MYSM1: variants seen among roughly 807,000 people sequenced by gnomAD.
MYSM1 encodes Myb like, SWIRM and MPN domains 1.
MYSM1 carries 51 observed loss-of-function variants against 116.0 expected under a neutral mutation model. The ratio of observed to expected loss-of-function variants is 0.44; its 90% CI spans 0.35 to 0.56. MYSM1 has a LOEUF of 0.56. Ranked by LOEUF, MYSM1 falls within the 20% of genes least tolerant of loss-of-function variation. The probability of loss-of-function intolerance (pLI) is 0.00; values close to 1 mark genes in which losing one functional copy is unlikely to be tolerated. For synonymous variants in MYSM1, 313 were observed against 315.2 expected (o/e 0.99, Z 0.07); for missense variants, 900 against 974.9 (o/e 0.92, Z 1.02).
At chr1:58,665,064 C>T (rs1389653774) in intron 17 of MYSM1, among the ~76,000 whole-genome samples, 1 of 152,066 alleles carries the variant, frequency 6.6e-6, no homozygotes, top group East Asian at 1.9e-4. Context: ...AAGAGAGATA[C>T]AAATTGAGTT....
At chr1:58,694,670 AT>A (rs995846932) in intron 2 of MYSM1, among the ~76,000 whole-genome samples, 12 of 148,192 alleles carry the variant, frequency 8.1e-5, no homozygotes, top group African/African-American at 2.2e-4. Context: ...TGACAATCCC[AT>A]TTTTTTTTTC....
intron 8 of MYSM1, among the ~76,000 whole-genome samples, chr1:58,680,809 T>C (rs1254280028): frequency 1.3e-5 from 2 of 149,200 alleles, no homozygotes; most frequent in African/African-American, 2.5e-5. Flanking sequence ...TTAGCAATTA[T>C]GATTTTTAAA....
chr1:58,677,597 T>C (rs1644673943), intron 8 of MYSM1, among the ~76,000 whole-genome samples: 1 of 152,074 alleles, frequency 6.6e-6, no homozygotes, highest in Non-Finnish European at 1.5e-5. Context: ...TATAAGGGAT[T>C]CCAAAGGGGA....
rs1331914191 is a variant in MYSM1, at chr1:58,668,997, C to T, written c.1703G>A (p.Ser568Asn). 6.3e-7 allele frequency: 1 copy of T among 1,599,312 alleles called. No individual in the cohort carries two copies. The highest frequency in any genetic ancestry group is 1.4e-5 in the African/African-American group (1 of 74,038). Reference sequence around the variant, plus strand: ...CATAAATAGTACCTGCTTTTCTTCACTAAAAAAATTACAAGGTATCAGTTG... The same window carrying T: ...CATAAATAGTACCTGCTTTTCTTCATTAAAAAAATTACAAGGTATCAGTTG... ...PFQLIPCNFF[S>N]EEKQEPFQVK... Residue 568 changes from serine to asparagine, a missense_variant, in exon 13 of 20, where the codon AGT (serine) becomes AAT (asparagine). This residue lies in a region of MYSM1 where 92 missense variants were observed against 155.0 expected (regional missense o/e 0.59). Coordinates refer to ENST00000472487, the MANE Select transcript of MYSM1 (RefSeq NM_001085487.3).
At chr1:58,669,585 A>G (rs888715862) in intron 12 of MYSM1, among the ~76,000 whole-genome samples, 1 of 152,130 alleles carries the variant, frequency 6.6e-6, no homozygotes, top group Admixed American at 6.6e-5. Flanking sequence ...CCAACACTTC[A>G]GGAGGCCGAG....
chr1:58,664,729 T>C (rs112318104), intron 17 of MYSM1, among the ~76,000 whole-genome samples: 49 of 152,202 alleles, frequency 3.2e-4, no homozygotes, highest in African/African-American at 1.2e-3. Context: ...ATAGAAAAAA[T>C]GGGTACAATA....
intron 3 of MYSM1, 49 bp from the exon 4 acceptor site, chr1:58,690,466 T>G (rs541989322): frequency 3.1e-6 from 4 of 1,279,916 alleles, no homozygotes; most frequent in African/African-American, 3.0e-5. Flanking sequence ...AGTCATGTAA[T>G]TTTTACATTA....
At chr1:58,691,115 T>TA (rs1159226165) in intron 3 of MYSM1, among the ~76,000 whole-genome samples, 1 of 151,786 alleles carries the variant, frequency 6.6e-6, no homozygotes, top group African/African-American at 2.4e-5. Context: ...CCATCTCTAC[T>TA]AAAAAACAGA....
intron 8 of MYSM1, among the ~76,000 whole-genome samples, chr1:58,677,336 C>T (rs673685): frequency 0.058 from 8,757 of 152,014 alleles, 778 homozygotes; most frequent in African/African-American, 0.2. Context: ...ACCTTGAATT[C>T]AGAAATTTAT....
At chr1:58,679,912 C>T (rs1644712625) in intron 8 of MYSM1, among the ~76,000 whole-genome samples, 2 of 151,718 alleles carry the variant, frequency 1.3e-5, no homozygotes, top group Admixed American at 6.6e-5. Context: ...CCTGTAGTCC[C>T]AGCTGCATGG....
At chr1:58,698,102 A>ATATATATATATTTTT in intron 1 of MYSM1, among the ~76,000 whole-genome samples, 1 of 7,770 alleles carries the variant, frequency 1.3e-4, no homozygotes, top group African/African-American at 2.6e-4. Context: ...ATATATATAT[A>ATATATATATATTTTT]TTTTTTTTTT....
At chr1:58,687,252 C>T (rs1408386501) in intron 6 of MYSM1, among the ~76,000 whole-genome samples, 2 of 152,128 alleles carry the variant, frequency 1.3e-5, no homozygotes, top group African/African-American at 4.8e-5. Flanking sequence ...CAGAGGTCTA[C>T]ATATCTCTAT....
At chr1:58,661,969 TG>T (rs67488594) in intron 17 of MYSM1, among the ~76,000 whole-genome samples, 36,948 of 151,306 alleles carry the variant, frequency 0.24, 4,823 homozygotes, top group Middle Eastern at 0.37. Context: ...TGTAAGTTAT[TG>T]TTTTTTTTTT....
intron 9 of MYSM1, among the ~76,000 whole-genome samples, chr1:58,675,917 A>C: frequency 6.6e-6 from 1 of 152,226 alleles, no homozygotes; most frequent in Non-Finnish European, 1.5e-5. Flanking sequence ...GGGAAAACAA[A>C]GACACTGAAA....
chr1:58,694,137 T>C (rs907614209), intron 2 of MYSM1, among the ~76,000 whole-genome samples: 2 of 152,178 alleles, frequency 1.3e-5, no homozygotes, highest in African/African-American at 4.8e-5. Flanking sequence ...TAAACTAGGT[T>C]TCCCACTCTG....
chr1:58,657,823 C>T lies in MYSM1; in HGVS notation c.*2174G>A, dbSNP rs1370310256. The T allele has an allele frequency of 2.0e-5, 3 of 152,064 alleles. No homozygotes were observed. Among genetic ancestry groups the T allele is most frequent in the African/African-American group, 7.2e-5 (3 of 41,398 alleles). The allele number at this position is 152,064 out of a possible 1,614,324, so 9.4% of individuals were successfully genotyped here. ...TGACAAGTATCATCCTTGAGATCCT[C>T]GCAATATGGCTTAGATTAGCAAATA... is the stretch of plus-strand genomic sequence containing the variant. On this transcript the variant is annotated 3_prime_UTR_variant, in exon 20 of 20. Transcript: ENST00000472487.
In MYSM1 at chr1:58,682,234, A is replaced by G; in HGVS notation, c.810T>C (p.Ala270=). Residue 270 remains alanine, a synonymous_variant, in exon 8 of 20, where the codon GCT becomes GCC. Coordinates refer to ENST00000472487, the MANE Select transcript of MYSM1 (RefSeq NM_001085487.3). ...AGCCCCTGGAAGACTTAGAAAAGAG[A>G]GCTTCCTGGCTGTCAGAAGTAATGA... ...GEFITSDSQE[A]LFSKSSRGCL... is the part of the protein sequence containing the mutation. 3 of 1,612,848 alleles carry G rather than the reference A, an allele frequency of 1.9e-6. No individual in the cohort carries two copies. The highest frequency in any genetic ancestry group is 2.5e-6 in the Non-Finnish European group (3 of 1,179,016).
rs543972374 is a variant in MYSM1 at position 58,684,628 on chromosome 1, CA to C, written c.498+524del. On this transcript the variant is annotated intron_variant, in intron 7 of 19. Coordinates refer to ENST00000472487, the MANE Select transcript of MYSM1 (RefSeq NM_001085487.3). ...CAAAACGACATGGTTGCATATAGCA[CA>C]AATTACTTGAAAGATTAAGAAACCA... 1.3e-3 allele frequency among the ~76,000 whole-genome samples: 200 copies of C among 149,534 alleles called. 1 individual carries two copies. The highest frequency in any genetic ancestry group is 9.6e-3 in the South Asian group (45 of 4,680).
In MYSM1 at chr1:58,661,391, A is replaced by G. The variant is rs755020844; in HGVS notation, c.2270+15T>C. The G allele has an allele frequency of 4.0e-6, 6 of 1,485,472 alleles. No individual in the cohort carries two copies. In the Admixed American group the frequency reaches 8.5e-5, roughly 21 times the overall value. The allele number at this position is 1,485,472 out of a possible 1,614,324, so 92.0% of individuals were successfully genotyped here. ...ACACTGCAGATGTGCAACCATCTCAAACCACAGTACATACCTATGGGAGAG... is the reference window on the plus strand; with the variant it reads ...ACACTGCAGATGTGCAACCATCTCAGACCACAGTACATACCTATGGGAGAG... On this transcript the variant is annotated intron_variant, in intron 18 of 19. Transcript: ENST00000472487.
Sources: allele counts gnomAD v4.1 joint callset (sites outside exome capture counted in the v4.1 genomes callset), GRCh38; gene constraint gnomAD v4.1.1; regional missense constraint gnomAD v4.1.1; transcripts MANE v1.5; gene names NCBI Gene and HGNC (gene_info 2026-07-23, HGNC 2026-07-21).